PCNX3: variants seen among roughly 807,000 people sequenced by gnomAD.
The protein encoded by PCNX3 is pecanex-like protein 3.
Under a neutral mutation model 207.2 loss-of-function variants are expected in PCNX3, and 58 were observed. That is an observed-to-expected ratio of 0.28 (90% CI 0.23 to 0.35). The LOEUF is 0.35. PCNX3 is among the 10% of genes least tolerant of loss of function. The probability of loss-of-function intolerance (pLI) is 1.00; values close to 1 mark genes in which losing one functional copy is unlikely to be tolerated. For synonymous variants in PCNX3, 1,337 were observed against 1,183.5 expected, an observed-to-expected ratio of 1.13 and a Z score of -2.66; for missense variants, 2,410 against 2,774.4, an observed-to-expected ratio of 0.87 and a Z score of 2.95.
chr11:65,623,984 C>G, intron 13 of PCNX3, 23 bp downstream of exon 13: 1 of 1,610,232 alleles, frequency 6.2e-7, no homozygotes, highest in Non-Finnish European at 8.5e-7. Flanking sequence ...GGAGCAGCGC[C>G]TCTGGCCAGG....
chr11:65,620,323 C>G lies in PCNX3; in HGVS notation c.2009-16C>G. 6.2e-7 allele frequency: 1 copy of G among 1,610,184 alleles called. No homozygotes were observed. Among genetic ancestry groups the G allele is most frequent in the Middle Eastern group, 1.7e-4 (1 of 6,034 alleles). On this transcript the variant is annotated splice_polypyrimidine_tract_variant and intron_variant, in intron 8 of 34. Transcript: ENST00000355703. ...TGTCTCTGCCACGCTGCCTCATCTC[C>G]CATACCCTGCCCCAGGTGTGCGGCG...
chr11:65,622,185 C>T, intron 10 of PCNX3, 60 bp from the exon 11 acceptor site: 1 of 1,545,092 alleles, frequency 6.5e-7, no homozygotes, highest in Non-Finnish European at 8.7e-7. Context: ...GGGCTGACGG[C>T]CGCGGCTGTG....
In PCNX3 at chr11:65,625,630, A is replaced by AAT; in HGVS notation, c.3136-21_3136-20dup. 1 of 1,604,778 alleles carries AAT rather than the reference A, an allele frequency of 6.2e-7. No homozygotes were observed. The highest frequency in any genetic ancestry group is 8.5e-7 in the Non-Finnish European group (1 of 1,173,562). On this transcript the variant is annotated intron_variant, in intron 18 of 34. Transcript: ENST00000355703. The surrounding 1 kb of genome is among the most constrained non-coding windows in gnomAD (Gnocchi z 5.6). Reference sequence around the variant, plus strand: ...AGTGTCTCTCCTGGCCGGGCAGCTGAATGTCTCTCCTGGCCCTGCAGCGTG... The same window carrying AAT: ...AGTGTCTCTCCTGGCCGGGCAGCTGAATATGTCTCTCCTGGCCCTGCAGCGTG...
Position 65,618,537 on chromosome 11 carries a change from G to A in PCNX3, c.1175G>A (p.Ser392Asn). The A allele has an allele frequency of 6.2e-7, 1 of 1,611,084 alleles. No individual in the cohort carries two copies. Among genetic ancestry groups the A allele is most frequent in the East Asian group, 2.2e-5 (1 of 44,806 alleles). ...AAGGACTTGGCCCTGCTACGGCCTA[G>A]CAAACGGCAGCCACCCCTGCGAAGA... ...RPKDLALLRP[S>N]KRQPPLRRHS... The change falls in exon 6 of 35, where the codon AGC becomes AAC. Residue 392 changes from serine (S) to asparagine (N), a missense_variant. Ser to Asn is a conservative substitution (Grantham distance 46). This residue lies in a region of PCNX3 where 1,104 missense variants were observed against 970.3 expected (regional missense o/e 1.14). Coordinates refer to ENST00000355703, the MANE Select transcript of PCNX3 (RefSeq NM_032223.4).
intron 26 of PCNX3, 118 bp from the exon 27 acceptor site, chr11:65,630,233 C>A: frequency 7.1e-7 from 1 of 1,410,990 alleles, no homozygotes; most frequent in South Asian, 1.4e-5. Context: ...GGTTGACTCC[C>A]CTGGCGTCCA....
intron 26 of PCNX3, 97 bp downstream of exon 26, chr11:65,629,832 C>A: frequency 7.4e-7 from 1 of 1,344,668 alleles, no homozygotes; most frequent in Non-Finnish European, 1.0e-6. Context: ...CAGTCCAGCT[C>A]TGTCCAGGCT....
chr11:65,626,245 T>G (rs1376508655), intron 20 of PCNX3, 191 bp downstream of exon 20: 1 of 777,814 alleles, frequency 1.3e-6, no homozygotes, highest in East Asian at 2.7e-5. Flanking sequence ...CTTCTCCTCG[T>G]GCCCTGCTGT....
In PCNX3 at chr11:65,624,332, C is replaced by T. The variant is rs777986798; in HGVS notation, c.2682C>T (p.Ala894=). The change falls in exon 14 of 35, where the codon GCC becomes GCT. Residue 894 remains alanine (A), a synonymous_variant. Transcript: ENST00000355703. ...TCTACGGCCTCACGCTCTTCTCTGC[C>T]TCCTTCTTCTTCTGTGCCCGAGACG... ...VSLYGLTLFS[A]SFFFCARDVA... 2 of 1,560,876 alleles carry T rather than the reference C, an allele frequency of 1.3e-6. No homozygotes were observed. Among genetic ancestry groups the T allele is most frequent in the African/African-American group, 1.4e-5 (1 of 73,640 alleles).
chr11:65,630,749 G>C, intron 27 of PCNX3, 145 bp downstream of exon 27: 1 of 1,229,176 alleles, frequency 8.1e-7, no homozygotes, highest in Non-Finnish European at 1.1e-6. Flanking sequence ...AGTGTCCCCT[G>C]AGGTGCCACT....
At position 65,617,529 on chromosome 11, in the gene PCNX3, G is replaced by A. The variant is rs751169276; in HGVS notation, c.481+20G>A. 1.9e-6 allele frequency: 3 copies of A among 1,613,970 alleles called. No individual in the cohort carries two copies. Among genetic ancestry groups the A allele is most frequent in the Non-Finnish European group, 1.7e-6 (2 of 1,179,890 alleles). On this transcript the variant is annotated intron_variant, in intron 4 of 34. Coordinates refer to ENST00000355703, the MANE Select transcript of PCNX3 (RefSeq NM_032223.4). ...TTAGAGGTAGGTGGCTGCTCTTCAGGGTTGGAGCATAGTGCTGTGGAACAG... is the reference window on the plus strand; with the variant it reads ...TTAGAGGTAGGTGGCTGCTCTTCAGAGTTGGAGCATAGTGCTGTGGAACAG...
rs778014412 is a variant in PCNX3, at chr11:65,625,062, T to TG, written c.2919+48dup. 4 of 1,585,792 alleles carry TG rather than the reference T, an allele frequency of 2.5e-6. No individual in the cohort carries two copies. In the South Asian group the frequency reaches 4.5e-5, roughly 18 times the overall value. ...GGGGGCATGCTGCAGTGCGTAAGGG[T>TG]GGTTGGGGCGGGGCTGTGAACTGGG... On this transcript the variant is annotated intron_variant, in intron 16 of 34. Coordinates refer to ENST00000355703, the MANE Select transcript of PCNX3 (RefSeq NM_032223.4). The surrounding 1 kb of genome is among the most constrained non-coding windows in gnomAD (Gnocchi z 5.6).
At position 65,618,552 on chromosome 11, in the gene PCNX3, C is replaced by T. The variant is rs773724934; in HGVS notation, c.1190C>T (p.Pro397Leu). ...ALLRPSKRQP[P>L]LRRHSPPGRA... is the part of the protein sequence containing the mutation. ...CTACGGCCTAGCAAACGGCAGCCAC[C>T]CCTGCGAAGACACTCTCCACCTGGC... is the stretch of plus-strand genomic sequence containing the variant. Residue 397 changes from proline (P) to leucine (L), a missense_variant, in exon 6 of 35, where the codon CCC (proline) becomes CTC (leucine). By Grantham distance (98) the Pro-to-Leu change is moderately conservative. This residue lies in a region of PCNX3 where 1,104 missense variants were observed against 970.3 expected (regional missense o/e 1.14). Transcript: ENST00000355703. 3.7e-6 allele frequency: 6 copies of T among 1,611,414 alleles called. No individual in the cohort carries two copies. Among genetic ancestry groups the T allele is most frequent in the South Asian group, 2.2e-5 (2 of 91,054 alleles).
Position 65,620,329 on chromosome 11 carries a change from C to T in PCNX3, c.2009-10C>T. 4.3e-6 allele frequency: 7 copies of T among 1,611,176 alleles called. No individual in the cohort carries two copies. The highest frequency in any genetic ancestry group is 5.9e-6 in the Non-Finnish European group (7 of 1,178,578). On this transcript the variant is annotated splice_polypyrimidine_tract_variant and intron_variant, in intron 8 of 34. Coordinates refer to ENST00000355703, the MANE Select transcript of PCNX3 (RefSeq NM_032223.4). ...TGCCACGCTGCCTCATCTCCCATAC[C>T]CTGCCCCAGGTGTGCGGCGTTCCTA...
At chr11:65,631,166 G>A (rs1193253326) in intron 27 of PCNX3, among the ~76,000 whole-genome samples, 1 of 151,628 alleles carries the variant, frequency 6.6e-6, no homozygotes, top group Admixed American at 6.6e-5. Flanking sequence ...GAGCTTTCCT[G>A]CCTTAGCCTG....
At position 65,635,951 on chromosome 11, in the gene PCNX3, A is replaced by T; in HGVS notation, c.5459+148A>T. On this transcript the variant is annotated intron_variant, in intron 32 of 34. Coordinates refer to ENST00000355703, the MANE Select transcript of PCNX3 (RefSeq NM_032223.4). The surrounding 1 kb of genome is among the most constrained non-coding windows in gnomAD (Gnocchi z 9.9). ...CCCAGAGCTGACCTGCCCCTCCTAG[A>T]TGTCACCTTACCCCCAGAGCTGACA... 1 of 1,284,138 alleles carries T rather than the reference A, an allele frequency of 7.8e-7. No individual in the cohort carries two copies. Among genetic ancestry groups the T allele is most frequent in the South Asian group, 1.5e-5 (1 of 65,848 alleles). The allele number at this position is 1,284,138 out of a possible 1,614,324, so 79.5% of individuals were successfully genotyped here.
At position 65,629,686 on chromosome 11, in the gene PCNX3, G is replaced by A; in HGVS notation, c.4167G>A (p.Glu1389=). 2 of 1,563,176 alleles carry A rather than the reference G, an allele frequency of 1.3e-6. No individual in the cohort carries two copies. Among genetic ancestry groups the A allele is most frequent in the Non-Finnish European group, 1.7e-6 (2 of 1,153,984 alleles). Residue 1389 remains glutamate (E), a synonymous_variant, in exon 26 of 35, where the codon GAG becomes GAA. Transcript: ENST00000355703. ...DYLNALVHLI[E]VGNGLVTFQL... is the part of the protein sequence containing the mutation. The stretch of plus-strand genomic sequence containing the variant: ...TCAACGCCCTGGTGCACCTCATCGA[G>A]GTTGGCAATGGCCTCGTCACCTTCC...
intron 21 of PCNX3, 63 bp downstream of exon 21, chr11:65,627,111 CTG>C (rs936931301): frequency 9.0e-6 from 13 of 1,451,576 alleles, no homozygotes; most frequent in Admixed American, 5.6e-5. Flanking sequence ...CGTGGGGAAA[CTG>C]AGGCCTAGAG....
intron 21 of PCNX3, 40 bp from the exon 22 acceptor site, chr11:65,627,365 G>C: frequency 6.3e-7 from 1 of 1,592,050 alleles, no homozygotes; most frequent in Non-Finnish European, 8.5e-7. Flanking sequence ...CACTGCCCCG[G>C]TCCCCTACCA....
rs372604037 is a variant in PCNX3, at chr11:65,627,588, T to C, written c.3702+6T>C. 6.8e-6 allele frequency: 11 copies of C among 1,613,588 alleles called. No homozygotes were observed. Among genetic ancestry groups the C allele is most frequent in the Non-Finnish European group, 9.3e-6 (11 of 1,179,732 alleles). ...TGTCCCTGCTTTGCAGCAAGGTGAG[T>C]TGGTGGCTGTGGCCCAGACCCCAGG... is the stretch of plus-strand genomic sequence containing the variant. On this transcript the variant is annotated splice_donor_region_variant and intron_variant, in intron 22 of 34. Transcript: ENST00000355703.
Sources: allele counts gnomAD v4.1 joint callset (sites outside exome capture counted in the v4.1 genomes callset), GRCh38; gene constraint gnomAD v4.1.1; regional missense constraint gnomAD v4.1.1; non-coding constraint Gnocchi (gnomAD v3.1); transcripts MANE v1.5; gene names NCBI Gene and HGNC (gene_info 2026-07-23, HGNC 2026-07-21).